Variants in SPAG16 observed in about 807,000 individuals in gnomAD.
SPAG16 encodes the protein sperm associated antigen 16.
Under a neutral mutation model 80.4 loss-of-function variants are expected in SPAG16, and 86 were observed. That is an observed-to-expected ratio of 1.07 (90% CI 0.90 to 1.28). The LOEUF is 1.28. Among genes scored for constraint, SPAG16 ranks in the 50% most tolerant of loss-of-function variants. The pLI is 0.00. For synonymous variants in SPAG16, 294 were observed against 265.9 expected, an observed-to-expected ratio of 1.11 and a Z score of -1.03; for missense variants, 870 against 765.3, an observed-to-expected ratio of 1.14 and a Z score of -1.61.
Position 214,041,970 on chromosome 2 carries a change from CTG to C in SPAG16, c.1527+27901_1527+27902del, listed in dbSNP as rs199736767. On this transcript the variant is annotated intron_variant, in intron 13 of 15. Transcript: ENST00000331683. Reference sequence around the variant, plus strand: ...ATAGTTTGTGTATATATTTGTGTGTCTGTGTGTGTATATATATATATATATAT... The same window carrying C: ...ATAGTTTGTGTATATATTTGTGTGTCTGTGTGTATATATATATATATATAT... Among the ~76,000 whole-genome samples the C allele has an allele frequency of 5.4e-5, 5 of 92,736 alleles. No individual in the cohort carries two copies. The South Asian group carries it at 1.1e-3, about 20-fold the overall frequency. 60.8% of individuals were successfully genotyped at this position (92,736 alleles called of 152,430 possible).
At chr2:214,199,244 A>G (rs532194730) in intron 15 of SPAG16, among the ~76,000 whole-genome samples, 3 of 152,092 alleles carry the variant, frequency 2.0e-5, no homozygotes, top group East Asian at 3.9e-4. Context: ...CAGGTTTTAG[A>G]TTTAAGTCTT....
chr2:213,723,695 A>C (rs7602734), intron 10 of SPAG16, among the ~76,000 whole-genome samples: 2 of 152,162 alleles, frequency 1.3e-5, no homozygotes, highest in African/African-American at 4.8e-5. Context: ...ACCTCAGCTA[A>C]TAGAGATTTT....
chr2:213,870,263 C>A (rs1350598299), intron 11 of SPAG16, among the ~76,000 whole-genome samples: 1 of 152,142 alleles, frequency 6.6e-6, no homozygotes, highest in African/African-American at 2.4e-5. Context: ...TGGCATAAGA[C>A]TGCTTGCTTT....
intron 11 of SPAG16, among the ~76,000 whole-genome samples, chr2:213,911,852 A>AG (rs397987715): frequency 1.3e-5 from 2 of 149,072 alleles, no homozygotes; most frequent in African/African-American, 4.9e-5. Context: ...AAAAAAAAAA[A>AG]TACACACACG....
chr2:213,330,125 C>A (rs1331417234), intron 5 of SPAG16, among the ~76,000 whole-genome samples: 1 of 152,200 alleles, frequency 6.6e-6, no homozygotes, highest in African/African-American at 2.4e-5. Context: ...TCTGCTAAGG[C>A]AGTGCGGAAG....
At chr2:213,945,909 G>C (rs889734423) in intron 12 of SPAG16, among the ~76,000 whole-genome samples, 61 of 152,208 alleles carry the variant, frequency 4.0e-4, no homozygotes, top group African/African-American at 1.4e-3. Context: ...ACCGTTTTGC[G>C]AACAATACAC....
At chr2:213,873,926 T>C (rs1165865488) in intron 11 of SPAG16, among the ~76,000 whole-genome samples, 1 of 152,156 alleles carries the variant, frequency 6.6e-6, no homozygotes. Context: ...CCATAGACTA[T>C]ACAGACTATA....
chr2:213,822,071 T>G (rs986898702), intron 10 of SPAG16, among the ~76,000 whole-genome samples: 10 of 152,164 alleles, frequency 6.6e-5, no homozygotes, highest in Non-Finnish European at 7.4e-5. Context: ...TCCCTAGTAG[T>G]GGGATTGCTG....
chr2:214,151,875 C>T (rs575531317), intron 15 of SPAG16, among the ~76,000 whole-genome samples: 14 of 152,212 alleles, frequency 9.2e-5, no homozygotes, highest in Non-Finnish European at 1.8e-4. Flanking sequence ...AGCATCCTGT[C>T]TGAGATATTT....
intron 14 of SPAG16, among the ~76,000 whole-genome samples, chr2:214,143,190 C>T (rs1212716328): frequency 6.8e-6 from 1 of 147,922 alleles, no homozygotes; most frequent in African/African-American, 2.5e-5. Context: ...TCAATTTCCT[C>T]ATTCATAAAA....
At chr2:213,838,337 A>AT (rs745662082) in intron 10 of SPAG16, among the ~76,000 whole-genome samples, 6 of 151,790 alleles carry the variant, frequency 4.0e-5, no homozygotes, top group Non-Finnish European at 7.4e-5. Flanking sequence ...ACTCCCAGCT[A>AT]TTTTTTTGTA....
At chr2:213,929,143 A>G (rs2078637593) in intron 11 of SPAG16, among the ~76,000 whole-genome samples, 1 of 150,184 alleles carries the variant, frequency 6.7e-6, no homozygotes, top group African/African-American at 2.5e-5. Context: ...CCTCTCGAGT[A>G]GCTGGGATTA....
chr2:213,973,765 G>A (rs1319763726), intron 12 of SPAG16, among the ~76,000 whole-genome samples: 1 of 151,828 alleles, frequency 6.6e-6, no homozygotes, highest in Non-Finnish European at 1.5e-5. Flanking sequence ...CAGATGTTTG[G>A]AGCTGCCTAA....
Position 213,842,012 on chromosome 2 carries a change from T to A in SPAG16, c.1071-20473T>A, listed in dbSNP as rs955450327. On this transcript the variant is annotated intron_variant, in intron 10 of 15. Transcript: ENST00000331683. ...TAAATTTGTAACTAAGCATTTATGT[T>A]CATTTCCACAGTCTTGTGAAACAGG... 7.2e-5 allele frequency among the ~76,000 whole-genome samples: 11 copies of A among 152,178 alleles called. No individual in the cohort carries two copies. In the South Asian group the frequency reaches 2.3e-3, roughly 31 times the overall value.
Position 213,792,025 on chromosome 2 carries a change from A to G in SPAG16, c.1071-70460A>G, listed in dbSNP as rs572495758. On this transcript the variant is annotated intron_variant, in intron 10 of 15. Coordinates refer to ENST00000331683, the MANE Select transcript of SPAG16 (RefSeq NM_024532.5). ...TCAGAACAAGATAGCTTCCCAAGCC[A>G]AATGTGTCTTTCTTTTTTCTTAAAA... Among the ~76,000 whole-genome samples the G allele has an allele frequency of 3.0e-4, 45 of 152,346 alleles. 1 individual carries two copies. The highest frequency in any genetic ancestry group is 1.1e-3 in the African/African-American group (44 of 41,586).
intron 10 of SPAG16, among the ~76,000 whole-genome samples, chr2:213,773,607 T>A (rs2069389821): frequency 6.6e-6 from 1 of 152,172 alleles, no homozygotes; most frequent in South Asian, 2.1e-4. Context: ...GGATGGAGTG[T>A]GCAGTGGCAT....
chr2:213,534,043 T>C (rs1288177492), intron 10 of SPAG16, among the ~76,000 whole-genome samples: 1 of 152,138 alleles, frequency 6.6e-6, no homozygotes, highest in East Asian at 1.9e-4. Context: ...CATGATAAAA[T>C]TCATATGTAA....
chr2:213,583,084 T>C (rs1553574123), intron 10 of SPAG16, among the ~76,000 whole-genome samples: 1 of 152,182 alleles, frequency 6.6e-6, no homozygotes. Flanking sequence ...GCTTCAGGTA[T>C]GACTACTGTA....
At chr2:213,731,304 C>T (rs1361775157) in intron 10 of SPAG16, among the ~76,000 whole-genome samples, 2 of 151,468 alleles carry the variant, frequency 1.3e-5, no homozygotes, top group South Asian at 2.1e-4. Context: ...TTACAGGCAC[C>T]CACTAACATG....
Sources: gnomAD v4.1 joint callset for allele counts (sites outside exome capture counted in the v4.1 genomes callset) on GRCh38, gnomAD v4.1.1 for gene constraint, MANE v1.5 for transcripts, NCBI Gene and HGNC (gene_info 2026-07-23, HGNC 2026-07-21) for gene names.